The following TBC1D32 variants were observed in gnomAD, a reference collection of about 807,000 sequenced individuals.
TBC1D32 encodes protein broad-minded.
A neutral mutation model predicts 170.3 loss-of-function variants in TBC1D32; 151 were observed. The observed-to-expected ratio is 0.89, with a 90% CI of 0.78 to 1.01. The LOEUF is 1.01. Ranked by LOEUF, TBC1D32 falls within the 50% of genes least tolerant of loss-of-function variation. The pLI is 0.00. For missense variants in TBC1D32, 1,464 were observed against 1,457.1 expected, an observed-to-expected ratio of 1.00 and a Z score of -0.08; for synonymous variants, 498 against 488.0, an observed-to-expected ratio of 1.02 and a Z score of -0.27.
intron 21 of TBC1D32, among the ~76,000 whole-genome samples, chr6:121,215,355 G>T (rs1337174461): frequency 6.6e-6 from 1 of 152,188 alleles, no homozygotes; most frequent in African/African-American, 2.4e-5. Context: ...GGGAGGGTGG[G>T]ACTCCCACCA....
chr6:121,240,916 A>G (rs1264883978), intron 19 of TBC1D32, among the ~76,000 whole-genome samples: 1 of 151,810 alleles, frequency 6.6e-6, no homozygotes, highest in Non-Finnish European at 1.5e-5. Context: ...TAAATTTCCA[A>G]TGTTTTAACT....
intron 15 of TBC1D32, among the ~76,000 whole-genome samples, chr6:121,264,209 G>A (rs1800149450): frequency 6.6e-6 from 1 of 151,694 alleles, no homozygotes; most frequent in Non-Finnish European, 1.5e-5. Context: ...AAAGAGAGAA[G>A]AATCAAATAG....
chr6:121,260,710 C>T (rs1799647055), intron 15 of TBC1D32, among the ~76,000 whole-genome samples: 1 of 152,194 alleles, frequency 6.6e-6, no homozygotes, highest in African/African-American at 2.4e-5. Flanking sequence ...ACCACAGAGC[C>T]ATGCAGACTC....
At chr6:121,119,960 T>G (rs1309278258) in intron 26 of TBC1D32, among the ~76,000 whole-genome samples, 1 of 152,114 alleles carries the variant, frequency 6.6e-6, no homozygotes, top group Non-Finnish European at 1.5e-5. Context: ...CAGTATTTGT[T>G]TTAAAACATT....
At chr6:121,322,007 A>T (rs1348046656) in intron 1 of TBC1D32, among the ~76,000 whole-genome samples, 1 of 152,050 alleles carries the variant, frequency 6.6e-6, no homozygotes, top group Non-Finnish European at 1.5e-5. Context: ...TTACCACAGT[A>T]GGGAAAAGCA....
intron 30 of TBC1D32, among the ~76,000 whole-genome samples, chr6:121,097,184 GA>G (rs1777516700): frequency 6.6e-6 from 1 of 151,832 alleles, no homozygotes; most frequent in Non-Finnish European, 1.5e-5. Context: ...AATAAAAGCC[GA>G]AATTGACAAA....
chr6:121,270,082 A>ATT (rs1269706106), intron 15 of TBC1D32, among the ~76,000 whole-genome samples: 4 of 152,176 alleles, frequency 2.6e-5, no homozygotes, highest in Non-Finnish European at 4.4e-5. Flanking sequence ...AAGACACAAC[A>ATT]TACCAGAATC....
At chr6:121,317,063 TA>T (rs1378577208) in intron 3 of TBC1D32, among the ~76,000 whole-genome samples, 2 of 152,172 alleles carry the variant, frequency 1.3e-5, no homozygotes, top group South Asian at 2.1e-4. Flanking sequence ...CTCTTGACAT[TA>T]AAAAAAGCTT....
At chr6:121,298,931 T>A (rs1806049055) in intron 10 of TBC1D32, among the ~76,000 whole-genome samples, 1 of 152,172 alleles carries the variant, frequency 6.6e-6, no homozygotes, top group African/African-American at 2.4e-5. Flanking sequence ...TCTTTTTAAT[T>A]ATTTTCAGTA....
At chr6:121,129,882 C>CT (rs1319509215) in intron 25 of TBC1D32, 1 of 450,188 alleles carries the variant, frequency 2.2e-6, no homozygotes, top group Non-Finnish European at 4.5e-6. Flanking sequence ...ATTTTATACT[C>CT]TCGATGGTAT....
intron 17 of TBC1D32, among the ~76,000 whole-genome samples, chr6:121,246,591 G>A (rs1797648626): frequency 6.6e-6 from 1 of 151,582 alleles, no homozygotes. Context: ...GCTACTCAAG[G>A]AGATAACAGA....
chr6:121,092,318 T>TGGGG (rs1776904377), intron 30 of TBC1D32, among the ~76,000 whole-genome samples: 1 of 136,944 alleles, frequency 7.3e-6, no homozygotes, highest in African/African-American at 3.1e-5. Flanking sequence ...TTTTTTTTTT[T>TGGGG]TTTTTGGAGA....
intron 5 of TBC1D32, among the ~76,000 whole-genome samples, chr6:121,305,826 GA>G (rs141423893): frequency 0.035 from 5,310 of 151,790 alleles, 302 homozygotes; most frequent in African/African-American, 0.12. Context: ...AATTTAAAAT[GA>G]AAAAAACTCC....
chr6:121,115,190 C>A lies in TBC1D32; in HGVS notation c.3035G>T (p.Gly1012Val), dbSNP rs761539336. Reference protein sequence around the residue: ...NESLSSVQQLGIKMTVRYGKF... With the variant: ...NESLSSVQQLVIKMTVRYGKF... ...AATATACCTGACAGTCATTTTAATG[C>A]CAAGCTGCTGCACAGATGAAAGACT... Residue 1012 changes from glycine to valine, a missense_variant, in exon 27 of 32, where the codon GGC (glycine) becomes GTC (valine). Gly to Val is a moderately radical substitution (Grantham distance 109). This residue lies in a region of TBC1D32 where 1,363 missense variants were observed against 1,338.1 expected (regional missense o/e 1.02). Coordinates refer to ENST00000398212, the MANE Select transcript of TBC1D32 (RefSeq NM_152730.6). 8 of 1,596,778 alleles carry A rather than the reference C, an allele frequency of 5.0e-6. No individual in the cohort carries two copies. The highest frequency in any genetic ancestry group is 6.0e-6 in the Non-Finnish European group (7 of 1,170,250).
At chr6:121,288,471 A>T (rs1485217719) in intron 12 of TBC1D32, among the ~76,000 whole-genome samples, 1 of 152,216 alleles carries the variant, frequency 6.6e-6, no homozygotes, top group South Asian at 2.1e-4. Flanking sequence ...TGAATCTCTG[A>T]ATAGACCAAT....
Position 121,120,950 on chromosome 6 carries a change from A to G in TBC1D32, c.2983+5428T>C, listed in dbSNP as rs186310173. Among the ~76,000 whole-genome samples the G allele has an allele frequency of 5.9e-5, 9 of 152,142 alleles. No homozygotes were observed. The South Asian group carries it at 1.7e-3, about 28-fold the overall frequency. On this transcript the variant is annotated intron_variant, in intron 26 of 31. Coordinates refer to ENST00000398212, the MANE Select transcript of TBC1D32 (RefSeq NM_152730.6). ...TGTAAATAAATATAGGGTCATCTGT[A>G]TATTCACATGTATCTAATTATGTGA... is the stretch of plus-strand genomic sequence containing the variant.
intron 15 of TBC1D32, among the ~76,000 whole-genome samples, chr6:121,273,561 C>T (rs1801796608): frequency 6.6e-6 from 1 of 151,052 alleles, no homozygotes; most frequent in African/African-American, 2.4e-5. Context: ...GGGTGCAGCA[C>T]ACCAACATGA....
intron 1 of TBC1D32, among the ~76,000 whole-genome samples, chr6:121,329,741 ATATTT>A (rs1204796703): frequency 6.6e-6 from 1 of 152,106 alleles, no homozygotes; most frequent in Non-Finnish European, 1.5e-5. Flanking sequence ...TTTTTAAAAA[ATATTT>A]TATTAGTGGT....
At chr6:121,333,442 T>C (rs747509818) in intron 1 of TBC1D32, among the ~76,000 whole-genome samples, 5 of 152,182 alleles carry the variant, frequency 3.3e-5, no homozygotes, top group African/African-American at 4.8e-5. Flanking sequence ...ATTTCTGACA[T>C]GTATCACAGA....
Sources: allele counts gnomAD v4.1 joint callset (sites outside exome capture counted in the v4.1 genomes callset), GRCh38; gene constraint gnomAD v4.1.1; regional missense constraint gnomAD v4.1.1; transcripts MANE v1.5; gene names NCBI Gene and HGNC (gene_info 2026-07-23, HGNC 2026-07-21).